SLC12A1: variants seen among roughly 807,000 people sequenced by gnomAD.
SLC12A1 encodes Na-K-2Cl cotransporter.
In SLC12A1, 89 loss-of-function variants were observed where a neutral mutation model predicts 130.4. That is an observed-to-expected ratio of 0.68 (90% confidence interval 0.58 to 0.81). The LOEUF (loss-of-function observed/expected upper bound fraction) is 0.81, where lower values mean the gene tolerates loss of function less well. SLC12A1 is among the 40% of genes least tolerant of loss of function. SLC12A1 has a pLI of 0.00. For missense variants in SLC12A1, 1,310 were observed against 1,336.4 expected, an observed-to-expected ratio of 0.98 and a Z score of 0.31; for synonymous variants, 499 against 460.0, an observed-to-expected ratio of 1.08 and a Z score of -1.09.
chr15:48,255,267 G>C (rs775242741), intron 15 of SLC12A1, among the ~76,000 whole-genome samples: 1 of 151,856 alleles, frequency 6.6e-6, no homozygotes, highest in African/African-American at 2.4e-5. Context: ...GTGAAACCCC[G>C]TCTCTACTAA....
At chr15:48,301,437 G>T in intron 26 of SLC12A1, 55 bp downstream of exon 26, 1 of 1,222,056 alleles carries the variant, frequency 8.2e-7, no homozygotes, top group Non-Finnish European at 1.1e-6. Context: ...AGGGTTAATG[G>T]GTTAATCCAT....
chr15:48,233,738 C>T (rs1242127399), intron 8 of SLC12A1, among the ~76,000 whole-genome samples: 1 of 151,984 alleles, frequency 6.6e-6, no homozygotes, highest in African/African-American at 2.4e-5. Context: ...GATTCCTTTT[C>T]TTCATAAAGA....
At chr15:48,252,911 C>T (rs867308299) in intron 15 of SLC12A1, among the ~76,000 whole-genome samples, 1 of 151,924 alleles carries the variant, frequency 6.6e-6, no homozygotes, top group Non-Finnish European at 1.5e-5. Flanking sequence ...TTGGTGGGGG[C>T]CAGATAAATA....
chr15:48,240,776 A>C (rs2041506804), intron 9 of SLC12A1, among the ~76,000 whole-genome samples: 1 of 152,174 alleles, frequency 6.6e-6, no homozygotes, highest in Non-Finnish European at 1.5e-5. Flanking sequence ...ATTAAGTTGA[A>C]TTGAATACAA....
Position 48,259,250 on chromosome 15 carries a change from TG to T in SLC12A1, c.2095del (p.Asp699ThrfsTer2), listed in dbSNP as rs1057519608. The T allele has an allele frequency of 6.2e-7, 1 of 1,613,808 alleles. No individual in the cohort carries two copies. Among genetic ancestry groups the T allele is most frequent in the East Asian group, 2.2e-5 (1 of 44,900 alleles). On this transcript the variant is annotated frameshift_variant, in exon 17 of 27. Coordinates refer to ENST00000380993, the MANE Select transcript of SLC12A1 (RefSeq NM_000338.3). LOFTEE classifies it high-confidence loss of function. ...TGGPMTRPAL[L>X]DITHAFTKNS... Reference sequence around the variant, plus strand: ...GGACCCATGACAAGACCTGCTCTCCTGGACATAACTCACGCCTTTACCAAGA... The same window carrying T: ...GGACCCATGACAAGACCTGCTCTCCTGACATAACTCACGCCTTTACCAAGA...
chr15:48,282,424 T>C (rs538443053), intron 20 of SLC12A1, among the ~76,000 whole-genome samples: 44 of 152,224 alleles, frequency 2.9e-4, no homozygotes, highest in African/African-American at 1.0e-3. Context: ...TTTCCCTCTT[T>C]GTCCAAACTA....
chr15:48,276,013 G>A (rs1340328020), intron 20 of SLC12A1, among the ~76,000 whole-genome samples: 1 of 152,142 alleles, frequency 6.6e-6, no homozygotes, highest in Non-Finnish European at 1.5e-5. Flanking sequence ...CTTGAACTAG[G>A]GCAGCCTCAG....
At chr15:48,214,520 TG>T (rs1408733974) in intron 2 of SLC12A1, among the ~76,000 whole-genome samples, 7 of 152,200 alleles carry the variant, frequency 4.6e-5, no homozygotes, top group African/African-American at 1.4e-4. Flanking sequence ...TTGTGACCAT[TG>T]GTAGTGATTT....
intron 19 of SLC12A1, 115 bp downstream of exon 19, chr15:48,269,879 A>G: frequency 3.8e-6 from 2 of 529,064 alleles, no homozygotes; most frequent in Non-Finnish European, 6.8e-6. Flanking sequence ...AGAAGAGTAC[A>G]TTCCCCTGGT....
In SLC12A1 at chr15:48,229,297, G is replaced by T; in HGVS notation, c.833G>T (p.Gly278Val). 6.2e-7 allele frequency: 1 copy of T among 1,604,526 alleles called. No individual in the cohort carries two copies. The highest frequency in any genetic ancestry group is 1.3e-5 in the African/African-American group (1 of 74,972). Residue 278 changes from glycine to valine, a missense_variant, in exon 6 of 27, where the codon GGA becomes GTA. Gly to Val is a moderately radical substitution (Grantham distance 109, BLOSUM62 -3). Coordinates refer to ENST00000380993, the MANE Select transcript of SLC12A1 (RefSeq NM_000338.3). The part of the protein sequence containing the change: ...NAVAVAMYVV[G>V]FAETVVDLLK... ...GTGGCTGTTGCTATGTATGTGGTGG[G>T]ATTTGCTGAGACTGTAGTAGATCTT...
intron 20 of SLC12A1, among the ~76,000 whole-genome samples, chr15:48,275,270 T>C (rs2041939681): frequency 6.6e-6 from 1 of 152,168 alleles, no homozygotes; most frequent in Non-Finnish European, 1.5e-5. Context: ...AATTCATGAT[T>C]TCCCTCTTCC....
chr15:48,228,419 T>C (rs2041320624), intron 5 of SLC12A1: 1 of 156,950 alleles, frequency 6.4e-6, no homozygotes, highest in Non-Finnish European at 1.4e-5. Context: ...CCCATACATA[T>C]ATGGGTATTT....
chr15:48,226,357 C>T, intron 4 of SLC12A1, 119 bp from the exon 5 acceptor site: 2 of 611,918 alleles, frequency 3.3e-6, no homozygotes. Flanking sequence ...CAAAGAAACC[C>T]CGTTGGAGCC....
intron 10 of SLC12A1, among the ~76,000 whole-genome samples, chr15:48,243,153 T>G (rs1164245006): frequency 6.6e-6 from 1 of 152,074 alleles, no homozygotes; most frequent in Non-Finnish European, 1.5e-5. Flanking sequence ...ATTTGAGAGA[T>G]CTGTTATGCA....
chr15:48,300,679 A>G (rs1189581097), intron 25 of SLC12A1, among the ~76,000 whole-genome samples: 1 of 152,280 alleles, frequency 6.6e-6, no homozygotes, highest in East Asian at 1.9e-4. Flanking sequence ...ATAATTGAGC[A>G]AATCATGCAT....
At chr15:48,289,412 TATATATA>T (rs942743305) in intron 23 of SLC12A1, among the ~76,000 whole-genome samples, 40 of 133,748 alleles carry the variant, frequency 3.0e-4, no homozygotes, top group African/African-American at 1.2e-3. Context: ...TATATATATA[TATATATA>T]TATATATATA....
intron 16 of SLC12A1, among the ~76,000 whole-genome samples, chr15:48,258,716 T>A (rs1262501295): frequency 1.3e-5 from 2 of 152,214 alleles, no homozygotes; most frequent in Non-Finnish European, 2.9e-5. Context: ...TTAGTCCATT[T>A]TCATGATGCT....
At chr15:48,220,124 AAAAAAGGT>A (rs1224459409) in intron 2 of SLC12A1, among the ~76,000 whole-genome samples, 2 of 93,434 alleles carry the variant, frequency 2.1e-5, no homozygotes, top group Non-Finnish European at 2.6e-5. Flanking sequence ...AAAAAAAAAA[AAAAAAGGT>A]AGATAGATAG....
intron 19 of SLC12A1, among the ~76,000 whole-genome samples, chr15:48,274,281 G>A (rs199954861): frequency 5.3e-5 from 8 of 152,074 alleles, no homozygotes; most frequent in Non-Finnish European, 8.8e-5. Context: ...TAAAAGATTC[G>A]ATTATTTTTA....
Sources: gnomAD v4.1 joint callset for allele counts (sites outside exome capture counted in the v4.1 genomes callset) on GRCh38, gnomAD v4.1.1 for gene constraint, MANE v1.5 for transcripts, NCBI Gene and HGNC (gene_info 2026-07-23, HGNC 2026-07-21) for gene names.